SNX29: variants seen among roughly 807,000 people sequenced by gnomAD.
SNX29 encodes the protein sorting nexin 29.
SNX29 carries 78 observed loss-of-function variants against 102.1 expected under a neutral mutation model. The observed-to-expected ratio is 0.76, with a 90% confidence interval of 0.64 to 0.92. The LOEUF is 0.92. Ranked by LOEUF, SNX29 falls within the 40% of genes least tolerant of loss-of-function variation. The probability of loss-of-function intolerance (pLI) is 0.00; values close to 1 mark genes in which losing one functional copy is unlikely to be tolerated. For synonymous variants in SNX29, 580 were observed against 414.5 expected (o/e 1.40, Z -4.85); for missense variants, 1,280 against 1,061.7 (o/e 1.21, Z -2.86).
intron 19 of SNX29, among the ~76,000 whole-genome samples, chr16:12,509,267 TC>T (rs2089505950): frequency 6.6e-6 from 1 of 152,100 alleles, no homozygotes; most frequent in Admixed American, 6.5e-5. Context: ...GGGCATTCAC[TC>T]GGTGATCACA....
intron 18 of SNX29, among the ~76,000 whole-genome samples, chr16:12,472,580 G>A (rs997002582): frequency 6.6e-6 from 1 of 151,558 alleles, no homozygotes; most frequent in Non-Finnish European, 1.5e-5. Context: ...GGAAATCTAG[G>A]GGATAGTGCT....
At chr16:12,410,082 C>T (rs1001424574) in intron 18 of SNX29, among the ~76,000 whole-genome samples, 2 of 152,048 alleles carry the variant, frequency 1.3e-5, no homozygotes, top group African/African-American at 4.8e-5. Context: ...GCAAGCTCCA[C>T]CTCCCGGGTT....
intron 11 of SNX29, among the ~76,000 whole-genome samples, chr16:12,082,320 T>G (rs182078098): frequency 1.3e-5 from 2 of 152,252 alleles, no homozygotes; most frequent in Non-Finnish European, 2.9e-5. Flanking sequence ...ACATTCTGTT[T>G]CCCAAGAGTT....
intron 15 of SNX29, among the ~76,000 whole-genome samples, chr16:12,292,372 TG>T (rs2079827574): frequency 6.6e-6 from 1 of 152,242 alleles, no homozygotes; most frequent in Non-Finnish European, 1.5e-5. Context: ...GTGGTAGGAT[TG>T]GAAAGTTCTC....
At chr16:12,392,160 A>G (rs185621230) in intron 16 of SNX29, among the ~76,000 whole-genome samples, 3 of 152,290 alleles carry the variant, frequency 2.0e-5, no homozygotes, top group East Asian at 3.9e-4. Context: ...ATTTGACATT[A>G]TATCTTAGAG....
intron 14 of SNX29, among the ~76,000 whole-genome samples, chr16:12,253,925 G>A (rs957908221): frequency 6.6e-6 from 1 of 152,146 alleles, no homozygotes; most frequent in Non-Finnish European, 1.5e-5. Flanking sequence ...GGGGAAGTGA[G>A]AATGGTAAGA....
intron 20 of SNX29, among the ~76,000 whole-genome samples, chr16:12,540,081 C>G (rs777021912): frequency 6.6e-6 from 1 of 152,164 alleles, no homozygotes; most frequent in East Asian, 1.9e-4. Flanking sequence ...GTCATGTCTA[C>G]CAATTGTTAG....
At chr16:12,367,852 G>C (rs543815959) in intron 16 of SNX29, among the ~76,000 whole-genome samples, 1 of 152,276 alleles carries the variant, frequency 6.6e-6, no homozygotes, top group Admixed American at 6.5e-5. Context: ...CATTTAAGAG[G>C]GGCTACTAAA....
At chr16:12,072,834 C>T (rs2051365226) in intron 10 of SNX29, among the ~76,000 whole-genome samples, 1 of 152,072 alleles carries the variant, frequency 6.6e-6, no homozygotes, top group Admixed American at 6.5e-5. Context: ...TGATTATTGC[C>T]ACAATTTCAG....
chr16:12,486,875 T>C (rs1408836040), intron 19 of SNX29, among the ~76,000 whole-genome samples: 1 of 152,204 alleles, frequency 6.6e-6, no homozygotes, highest in Non-Finnish European at 1.5e-5. Flanking sequence ...ACTTCCCTGT[T>C]AATCCTAAAC....
At chr16:12,558,846 A>C (rs2078539697) in intron 20 of SNX29, among the ~76,000 whole-genome samples, 1 of 152,200 alleles carries the variant, frequency 6.6e-6, no homozygotes, top group South Asian at 2.1e-4. Flanking sequence ...CAAGAGCCAC[A>C]AGAGGGCCAC....
chr16:12,162,851 G>C (rs1169954728), intron 13 of SNX29, among the ~76,000 whole-genome samples: 1 of 152,172 alleles, frequency 6.6e-6, no homozygotes, highest in Non-Finnish European at 1.5e-5. Context: ...GGGCCGGCAA[G>C]CACGTGTTTA....
rs567062311 is a variant in SNX29 at position 12,247,398 on chromosome 16, G to A, written c.1679-30535G>A. Among the ~76,000 whole-genome samples, 45 of 152,238 alleles carry A rather than the reference G, an allele frequency of 3.0e-4. 1 individual carries two copies. In the South Asian group the frequency reaches 7.7e-3, roughly 26 times the overall value. On this transcript the variant is annotated intron_variant, in intron 14 of 20. Transcript: ENST00000566228. Reference sequence around the variant, plus strand: ...CCTTTACTTAATTTTCTTATGGCCCGCACAGTCTATCTCCTCCTGTTTTTC... The same window carrying A: ...CCTTTACTTAATTTTCTTATGGCCCACACAGTCTATCTCCTCCTGTTTTTC...
At chr16:12,394,001 G>A (rs776999075) in intron 16 of SNX29, among the ~76,000 whole-genome samples, 2 of 152,236 alleles carry the variant, frequency 1.3e-5, no homozygotes, top group African/African-American at 2.4e-5. Flanking sequence ...GTTCCTGAGA[G>A]CTTATGTACT....
rs574769804 is a variant in SNX29, at chr16:12,356,449, G to T, written c.1899+170G>T. Among the ~76,000 whole-genome samples the T allele has an allele frequency of 2.0e-5, 3 of 152,308 alleles. No homozygotes were observed. The East Asian group carries it at 5.8e-4, about 29-fold the overall frequency. ...TTTTTATGGGGAGGGGGTAGAATAA[G>T]TAAAATGTTACAAGTTCTGTTGAAG... On this transcript the variant is annotated intron_variant, in intron 16 of 20. Coordinates refer to ENST00000566228, the MANE Select transcript of SNX29 (RefSeq NM_032167.5).
chr16:12,009,545 T>C (rs1490707749), intron 3 of SNX29, among the ~76,000 whole-genome samples: 1 of 151,988 alleles, frequency 6.6e-6, no homozygotes, highest in East Asian at 1.9e-4. Flanking sequence ...CATCTTCACA[T>C]GGAACATAAA....
At chr16:12,450,528 G>A (rs758662701) in intron 18 of SNX29, among the ~76,000 whole-genome samples, 1 of 152,330 alleles carries the variant, frequency 6.6e-6, no homozygotes, top group Non-Finnish European at 1.5e-5. Flanking sequence ...CTGTGGCCAA[G>A]GGAATGAGGT....
At chr16:12,240,908 C>T (rs538103906) in intron 14 of SNX29, among the ~76,000 whole-genome samples, 205 of 152,210 alleles carry the variant, frequency 1.3e-3, no homozygotes, top group Non-Finnish European at 2.6e-3. Context: ...ACCTTGCCAT[C>T]TTTGTCATTC....
At chr16:12,555,690 C>G (rs772934380) in intron 20 of SNX29, among the ~76,000 whole-genome samples, 1 of 151,996 alleles carries the variant, frequency 6.6e-6, no homozygotes, top group Non-Finnish European at 1.5e-5. Flanking sequence ...ATAAGCCTTC[C>G]GATACTCTAC....
Sources: gnomAD v4.1 joint callset for allele counts (sites outside exome capture counted in the v4.1 genomes callset) on GRCh38, gnomAD v4.1.1 for gene constraint, MANE v1.5 for transcripts, NCBI Gene and HGNC (gene_info 2026-07-23, HGNC 2026-07-21) for gene names.